AMPH: variants seen among roughly 807,000 people sequenced by gnomAD.
AMPH encodes amphiphysin, also known as amphiphysin (Stiff-Mann syndrome with breast cancer 128kD autoantigen).
Under a neutral mutation model 99.1 loss-of-function variants are expected in AMPH, and 49 were observed. That is an observed-to-expected ratio of 0.49 (90% CI 0.39 to 0.63). The LOEUF (loss-of-function observed/expected upper bound fraction) is 0.63, where lower values mean the gene tolerates loss of function less well. Ranked by LOEUF, AMPH falls within the 20% of genes least tolerant of loss-of-function variation. AMPH has a pLI of 0.00. For synonymous variants in AMPH, 314 were observed against 317.3 expected (o/e 0.99, Z 0.11); for missense variants, 759 against 863.4 (o/e 0.88, Z 1.52).
At chr7:38,581,878 G>A (rs891890498) in intron 1 of AMPH, among the ~76,000 whole-genome samples, 2 of 152,140 alleles carry the variant, frequency 1.3e-5, no homozygotes, top group Non-Finnish European at 1.5e-5. Flanking sequence ...AGGTGAAAAC[G>A]ACTATAGGGG....
chr7:38,468,102 T>A (rs1330176927), intron 7 of AMPH, among the ~76,000 whole-genome samples: 1 of 152,168 alleles, frequency 6.6e-6, no homozygotes, highest in Non-Finnish European at 1.5e-5. Flanking sequence ...GTGAACCAAA[T>A]AAGCACTGAT....
intron 1 of AMPH, among the ~76,000 whole-genome samples, chr7:38,591,273 CTTTTCT>C (rs963717819): frequency 9.6e-5 from 14 of 145,224 alleles, no homozygotes; most frequent in Non-Finnish European, 1.6e-4. Context: ...CCTTTCTTTT[CTTTTCT>C]TTTTCTTTTT....
intron 11 of AMPH, among the ~76,000 whole-genome samples, chr7:38,437,822 ATAAAAATAAAGAAAAG>A (rs1394349891): frequency 1.3e-5 from 2 of 152,004 alleles, no homozygotes; most frequent in Non-Finnish European, 2.9e-5. Context: ...AATAAAAAAA[ATAAAAATAAAGAAAAG>A]CGAGGTGGTA....
At chr7:38,404,581 C>CAT (rs1384914371) in intron 17 of AMPH, among the ~76,000 whole-genome samples, 8 of 152,192 alleles carry the variant, frequency 5.3e-5, no homozygotes, top group Admixed American at 2.0e-4. Context: ...GCCAAACAAT[C>CAT]ATATACAACA....
rs1490337868 is a variant in AMPH at position 38,389,888 on chromosome 7, A to G, written c.1896T>C (p.Asp632=). 10 of 1,613,506 alleles carry G rather than the reference A, an allele frequency of 6.2e-6. No individual in the cohort carries two copies. The highest frequency in any genetic ancestry group is 1.7e-5 in the Admixed American group (1 of 60,004). The change falls in exon 20 of 21, where the codon GAT becomes GAC. Residue 632 remains aspartate (D), a synonymous_variant. Coordinates refer to ENST00000356264, the MANE Select transcript of AMPH (RefSeq NM_001635.4). The part of the protein sequence containing the change: ...GFLYKVETLH[D]FEAANSDELT... ...GTTCATCAGAATTTGCTGCCTCAAA[A>G]TCATGCAGTGTTTCCACCTGCAGAA...
At position 38,469,020 on chromosome 7, in the gene AMPH, G is replaced by A. The variant is rs538147070; in HGVS notation, c.591-2772C>T. 1.7e-5 allele frequency among the ~76,000 whole-genome samples: 2 copies of A among 116,618 alleles called. 1 individual carries two copies. Among genetic ancestry groups the A allele is most frequent in the East Asian group, 6.5e-4 (2 of 3,056 alleles). 76.5% of individuals were successfully genotyped at this position (116,618 alleles called of 152,430 possible). On this transcript the variant is annotated intron_variant, in intron 7 of 20. Coordinates refer to ENST00000356264, the MANE Select transcript of AMPH (RefSeq NM_001635.4). ...ATACAAAAAATTAGCCGGGCGTAGT[G>A]GCGGGCGCCTGTAGTCCCAGCTACT...
chr7:38,586,854 TGCA>T (rs1352356992), intron 1 of AMPH, among the ~76,000 whole-genome samples: 2 of 152,250 alleles, frequency 1.3e-5, no homozygotes, highest in African/African-American at 4.8e-5. Context: ...ATCTTCAACT[TGCA>T]GATGAAGAAA....
chr7:38,520,471 TG>T (rs1211333933), intron 2 of AMPH, among the ~76,000 whole-genome samples: 1 of 152,174 alleles, frequency 6.6e-6, no homozygotes, highest in Admixed American at 6.5e-5. Flanking sequence ...AAGTCAAAAC[TG>T]GGATGTACTT....
At chr7:38,497,878 C>T (rs1009306149) in intron 3 of AMPH, among the ~76,000 whole-genome samples, 1 of 152,192 alleles carries the variant, frequency 6.6e-6, no homozygotes, top group Admixed American at 6.5e-5. Flanking sequence ...CATGCCTACA[C>T]ATAAGACACA....
chr7:38,605,708 T>G (rs1185577937), intron 1 of AMPH, among the ~76,000 whole-genome samples: 1 of 152,262 alleles, frequency 6.6e-6, no homozygotes, highest in East Asian at 1.9e-4. Context: ...CCCGAGTAGC[T>G]GGGATTACAG....
In AMPH at chr7:38,390,993, GAGAGAGAGAGAGAGAGAGAGA is replaced by G. The variant is rs1562721043; in HGVS notation, c.1878+734_1878+754del. ...AGAGAGAGAGAGAGAGAGAGAGAGA[GAGAGAGAGAGAGAGAGAGAGA>G]GAATGATACAACATTTTACACTTTA... On this transcript the variant is annotated intron_variant, in intron 19 of 20. Transcript: ENST00000356264. 5.9e-4 allele frequency among the ~76,000 whole-genome samples: 43 copies of G among 73,054 alleles called. 1 individual carries two copies. The highest frequency in any genetic ancestry group is 3.9e-3 in the South Asian group (10 of 2,582). 47.9% of individuals were successfully genotyped at this position (73,054 alleles called of 152,430 possible). A position where few individuals can be genotyped will look rare whatever the true frequency, so the allele number is the denominator to read the frequency against.
At chr7:38,423,653 A>G (rs1057081440) in intron 15 of AMPH, among the ~76,000 whole-genome samples, 1 of 152,238 alleles carries the variant, frequency 6.6e-6, no homozygotes, top group Non-Finnish European at 1.5e-5. Flanking sequence ...GGTAGATCAA[A>G]GAAATCTGTA....
intron 2 of AMPH, 57 bp from the exon 3 acceptor site, chr7:38,503,761 G>A (rs1417566152): frequency 6.5e-7 from 1 of 1,546,712 alleles, no homozygotes; most frequent in African/African-American, 1.4e-5. Flanking sequence ...ATGAAAACAT[G>A]TAAGAAGTGC....
At chr7:38,527,872 C>G (rs979170911) in intron 2 of AMPH, among the ~76,000 whole-genome samples, 1 of 152,074 alleles carries the variant, frequency 6.6e-6, no homozygotes, top group African/African-American at 2.4e-5. Context: ...ATTAACTGTA[C>G]GTTAGGTTTC....
chr7:38,549,792 T>C (rs2129045585), intron 1 of AMPH, among the ~76,000 whole-genome samples: 1 of 152,318 alleles, frequency 6.6e-6, no homozygotes, highest in East Asian at 1.9e-4. Context: ...ACAAAACCTC[T>C]CTCTATGGAC....
At chr7:38,599,374 T>C (rs1324184315) in intron 1 of AMPH, among the ~76,000 whole-genome samples, 2 of 152,220 alleles carry the variant, frequency 1.3e-5, no homozygotes, top group East Asian at 1.9e-4. Flanking sequence ...ATGAAGACCT[T>C]TATGATCATC....
chr7:38,434,395 C>T (rs988659600), intron 12 of AMPH, among the ~76,000 whole-genome samples: 4 of 152,070 alleles, frequency 2.6e-5, no homozygotes, highest in African/African-American at 9.7e-5. Context: ...GAAATCTCAC[C>T]CACTAATCAT....
chr7:38,392,165 G>T (rs1784521540), intron 18 of AMPH, 148 bp from the exon 19 acceptor site: 2 of 732,376 alleles, frequency 2.7e-6, no homozygotes, highest in Non-Finnish European at 2.2e-6. Flanking sequence ...TGGGCCTTCC[G>T]CTGTGCCACA....
At chr7:38,502,311 A>T in intron 3 of AMPH, among the ~76,000 whole-genome samples, 1 of 152,172 alleles carries the variant, frequency 6.6e-6, no homozygotes, top group East Asian at 1.9e-4. Flanking sequence ...ACTTTAGCAC[A>T]TTTCTTTGCA....
Sources: allele counts gnomAD v4.1 joint callset (sites outside exome capture counted in the v4.1 genomes callset), GRCh38; gene constraint gnomAD v4.1.1; transcripts MANE v1.5; gene names NCBI Gene and HGNC (gene_info 2026-07-23, HGNC 2026-07-21).